The following CPEB1 variants were observed in gnomAD, a reference collection of about 807,000 sequenced individuals.
The protein encoded by CPEB1 is cytoplasmic polyadenylation element binding protein 1, also known as cytoplasmic polyadenylation element-binding protein 1.
Under a neutral mutation model 65.8 loss-of-function variants are expected in CPEB1, and 7 were observed. That is an observed-to-expected ratio of 0.11 (90% CI 0.06 to 0.20). CPEB1 has a LOEUF of 0.20. Ranked by LOEUF, CPEB1 falls within the 10% of genes least tolerant of loss-of-function variation. The pLI is 1.00. For missense variants in CPEB1, 551 were observed against 712.2 expected (o/e 0.77, Z 2.58); for synonymous variants, 262 against 260.0 (o/e 1.01, Z -0.08).
chr15:82,615,436 G>A (rs2044620773), intron 3 of CPEB1, among the ~76,000 whole-genome samples: 2 of 152,170 alleles, frequency 1.3e-5, no homozygotes, highest in Non-Finnish European at 2.9e-5. Context: ...TGTCAACTAT[G>A]TAGCAGAAGA....
chr15:82,622,318 C>T (rs533448332), intron 3 of CPEB1, among the ~76,000 whole-genome samples: 2 of 152,190 alleles, frequency 1.3e-5, no homozygotes, highest in East Asian at 1.9e-4. Flanking sequence ...AAAGCTCAGG[C>T]CTTTGCAAAA....
At chr15:82,577,235 G>A (rs1233733934) in intron 3 of CPEB1, among the ~76,000 whole-genome samples, 1 of 152,090 alleles carries the variant, frequency 6.6e-6, no homozygotes, top group Non-Finnish European at 1.5e-5. Flanking sequence ...TATTTTTATT[G>A]TTTTGTAGAG....
intron 9 of CPEB1, among the ~76,000 whole-genome samples, chr15:82,550,551 C>T (rs986522808): frequency 7.9e-5 from 12 of 152,174 alleles, no homozygotes; most frequent in South Asian, 2.1e-4. Flanking sequence ...TGGGCCTACA[C>T]GGTCTTGGGA....
upstream of CPEB1, chr15:82,647,962 G>A (rs1039475022): frequency 1.9e-5 from 19 of 1,008,944 alleles, no homozygotes; most frequent in Non-Finnish European, 2.2e-5. Flanking sequence ...TTTGCAGCGG[G>A]CCGCGCGCAG....
At position 82,557,753 on chromosome 15, in the gene CPEB1, T is replaced by C; in HGVS notation, c.687+7A>G. 6.2e-7 allele frequency: 1 copy of C among 1,613,060 alleles called. No individual in the cohort carries two copies. The highest frequency in any genetic ancestry group is 8.5e-7 in the Non-Finnish European group (1 of 1,179,344). On this transcript the variant is annotated splice_region_variant and intron_variant, in intron 5 of 12. Transcript: ENST00000684509. The stretch of plus-strand genomic sequence containing the variant: ...CACAACTCCCCTTTCCCAAATGAGT[T>C]ACATACAATCAAATCTGAGAGATGA...
intron 3 of CPEB1, among the ~76,000 whole-genome samples, chr15:82,620,303 T>C (rs2045176767): frequency 1.3e-5 from 2 of 149,716 alleles, no homozygotes; most frequent in African/African-American, 4.9e-5. Context: ...CATGTGCCTG[T>C]AGTCCCAGCT....
At chr15:82,544,770 G>A (rs924708425) in intron 12 of CPEB1, 68 bp from the exon 13 acceptor site, 11 of 1,191,910 alleles carry the variant, frequency 9.2e-6, no homozygotes, top group Admixed American at 7.6e-5. Context: ...GCTGTTGCAC[G>A]AGCTGCTTGT....
intron 3 of CPEB1, among the ~76,000 whole-genome samples, chr15:82,620,104 C>G (rs2045155090): frequency 6.6e-6 from 1 of 152,168 alleles, no homozygotes; most frequent in Non-Finnish European, 1.5e-5. Context: ...GGATGAAACT[C>G]ACAGCTAAAG....
At chr15:82,647,508 G>A (rs1416742802), upstream of CPEB1, 4 of 234,148 alleles carry the variant, frequency 1.7e-5, no homozygotes, top group Non-Finnish European at 3.3e-5. Flanking sequence ...AGAAAGAAAC[G>A]TTCCGGGCGC....
chr15:82,610,914 C>G (rs201020090), intron 3 of CPEB1, among the ~76,000 whole-genome samples: 1 of 126,962 alleles, frequency 7.9e-6, no homozygotes, highest in Non-Finnish European at 1.6e-5. Flanking sequence ...GCCAAGATCA[C>G]GCCACTGCAC....
intron 1 of CPEB1, among the ~76,000 whole-genome samples, chr15:82,645,039 C>CG (rs1407697079): frequency 3.2e-4 from 48 of 152,334 alleles, no homozygotes; most frequent in African/African-American, 1.1e-3. Flanking sequence ...TCACCACAGG[C>CG]ATCAGCTCTC....
chr15:82,629,253 T>G (rs2046033372), intron 1 of CPEB1: 5 of 985,202 alleles, frequency 5.1e-6, no homozygotes, highest in Non-Finnish European at 6.0e-6. Context: ...TAAAGCATTT[T>G]GCATGGCATA....
chr15:82,631,884 T>A (rs1260199283), intron 1 of CPEB1, among the ~76,000 whole-genome samples: 3 of 144,824 alleles, frequency 2.1e-5, no homozygotes, highest in African/African-American at 5.1e-5. Context: ...CAGATTTGGA[T>A]TTTTTTTTTT....
chr15:82,568,091 T>A (rs192825465), intron 4 of CPEB1, among the ~76,000 whole-genome samples: 2 of 152,246 alleles, frequency 1.3e-5, no homozygotes, highest in East Asian at 3.9e-4. Context: ...GGACCACAGG[T>A]GTAACAGGAA....
chr15:82,625,224 T>A (rs993836850), intron 3 of CPEB1, among the ~76,000 whole-genome samples: 5 of 152,164 alleles, frequency 3.3e-5, no homozygotes, highest in Non-Finnish European at 7.4e-5. Context: ...TAACTCAGCG[T>A]AAACTAAAAG....
At chr15:82,635,249 C>A (rs2046566843) in intron 1 of CPEB1, among the ~76,000 whole-genome samples, 1 of 152,096 alleles carries the variant, frequency 6.6e-6, no homozygotes, top group African/African-American at 2.4e-5. Context: ...TTTGAAGAGC[C>A]CTTATATGAA....
intron 3 of CPEB1, among the ~76,000 whole-genome samples, chr15:82,579,267 C>T (rs552119773): frequency 5.9e-5 from 9 of 152,218 alleles, no homozygotes; most frequent in Admixed American, 5.9e-4. Context: ...TTCAAGACTG[C>T]CTGGGCAACA....
At chr15:82,552,664 A>T (rs772719177) in intron 8 of CPEB1, 48 bp from the exon 9 acceptor site, 1 of 1,602,204 alleles carries the variant, frequency 6.2e-7, no homozygotes, top group Non-Finnish European at 8.5e-7. Flanking sequence ...TTAGGTGGCC[A>T]CTCCTCAGCC....
chr15:82,559,433 A>G (rs1331605365), intron 4 of CPEB1, among the ~76,000 whole-genome samples: 1 of 152,220 alleles, frequency 6.6e-6, no homozygotes, highest in Non-Finnish European at 1.5e-5. Flanking sequence ...TAATTTTTAA[A>G]GAGACTGTCA....
Sources: allele counts gnomAD v4.1 joint callset (sites outside exome capture counted in the v4.1 genomes callset), GRCh38; gene constraint gnomAD v4.1.1; transcripts MANE v1.5; gene names NCBI Gene and HGNC (gene_info 2026-07-23, HGNC 2026-07-21).